THSD7B: variants seen among roughly 807,000 people sequenced by gnomAD.
THSD7B encodes thrombospondin type-1 domain-containing protein 7B.
THSD7B carries 138 observed loss-of-function variants against 213.6 expected under a neutral mutation model. That is an observed-to-expected ratio of 0.65 (90% confidence interval 0.56 to 0.74). The LOEUF is 0.74. Among genes scored for constraint, THSD7B ranks in the 30% least tolerant of loss-of-function variants. THSD7B has a pLI of 0.00. For missense variants in THSD7B, 1,931 were observed against 1,991.5 expected, an observed-to-expected ratio of 0.97 and a Z score of 0.58; for synonymous variants, 742 against 687.0, an observed-to-expected ratio of 1.08 and a Z score of -1.25.
chr2:137,567,230 G>A (rs575871751), intron 16 of THSD7B, among the ~76,000 whole-genome samples: 51 of 151,350 alleles, frequency 3.4e-4, no homozygotes, highest in African/African-American at 6.1e-4. Flanking sequence ...GTGCAATGGC[G>A]CAATCCCAGC....
chr2:137,251,869 T>A (rs1007529356), intron 10 of THSD7B, among the ~76,000 whole-genome samples: 2 of 152,212 alleles, frequency 1.3e-5, no homozygotes, highest in African/African-American at 4.8e-5. Context: ...GATGTAACCA[T>A]AGACCAACAG....
intron 15 of THSD7B, among the ~76,000 whole-genome samples, chr2:137,549,403 ACTCAC>A (rs1680802927): frequency 1.4e-5 from 2 of 141,088 alleles, no homozygotes; most frequent in African/African-American, 5.4e-5. Context: ...GCGCAGACTC[ACTCAC>A]TCAATCTATC....
At chr2:137,175,360 A>C (rs923105077) in intron 7 of THSD7B, among the ~76,000 whole-genome samples, 5 of 152,242 alleles carry the variant, frequency 3.3e-5, no homozygotes, top group African/African-American at 1.2e-4. Context: ...GCAAATGCCC[A>C]CACTACTGAA....
chr2:136,884,530 C>T (rs1024879460), intron 2 of THSD7B, among the ~76,000 whole-genome samples: 26 of 152,144 alleles, frequency 1.7e-4, no homozygotes, highest in Non-Finnish European at 3.1e-4. Context: ...GCAGGGGAGC[C>T]CATGGATATA....
intron 15 of THSD7B, among the ~76,000 whole-genome samples, chr2:137,453,274 A>G (rs1008004458): frequency 1.9e-4 from 29 of 151,456 alleles, no homozygotes; most frequent in African/African-American, 6.8e-4. Context: ...GCTAGTTAAC[A>G]TATCAATTAC....
chr2:137,261,618 T>C (rs1424101606), intron 10 of THSD7B, among the ~76,000 whole-genome samples: 4 of 152,126 alleles, frequency 2.6e-5, no homozygotes, highest in African/African-American at 9.7e-5. Flanking sequence ...AGTGACCATG[T>C]TGACACTGCA....
intron 4 of THSD7B, among the ~76,000 whole-genome samples, chr2:137,099,767 G>C (rs1688114966): frequency 6.6e-6 from 1 of 152,142 alleles, no homozygotes; most frequent in African/African-American, 2.4e-5. Flanking sequence ...AAAATCTCAA[G>C]GCAGAAGCTG....
intron 14 of THSD7B, among the ~76,000 whole-genome samples, chr2:137,432,306 G>A (rs1358744008): frequency 6.6e-6 from 1 of 152,186 alleles, no homozygotes; most frequent in African/African-American, 2.4e-5. Flanking sequence ...CAGGGGAATC[G>A]CTTGAATTTG....
At chr2:137,538,698 G>T (rs993164910) in intron 15 of THSD7B, among the ~76,000 whole-genome samples, 7 of 151,618 alleles carry the variant, frequency 4.6e-5, no homozygotes, top group African/African-American at 1.5e-4. Flanking sequence ...TCAGTAAAAG[G>T]ACTATTTCAG....
At chr2:137,314,885 C>G (rs1314109289) in intron 12 of THSD7B, among the ~76,000 whole-genome samples, 1 of 152,210 alleles carries the variant, frequency 6.6e-6, no homozygotes, top group African/African-American at 2.4e-5. Context: ...CAGCTGCGTG[C>G]TGGGAGAACC....
At chr2:137,101,147 C>T (rs1688142437) in intron 4 of THSD7B, among the ~76,000 whole-genome samples, 1 of 152,118 alleles carries the variant, frequency 6.6e-6, no homozygotes, top group Non-Finnish European at 1.5e-5. Context: ...AGGTGATTCT[C>T]CCACCTCAGC....
intron 7 of THSD7B, among the ~76,000 whole-genome samples, chr2:137,193,786 A>G (rs1431898389): frequency 1.3e-5 from 2 of 151,884 alleles, no homozygotes; most frequent in African/African-American, 4.8e-5. Flanking sequence ...TACGGGATGC[A>G]TACAAAACTT....
chr2:137,501,313 A>G (rs572068651), intron 15 of THSD7B, among the ~76,000 whole-genome samples: 10 of 152,292 alleles, frequency 6.6e-5, no homozygotes, highest in East Asian at 5.8e-4. Flanking sequence ...AGAATATGGT[A>G]TATTTCTTTT....
intron 12 of THSD7B, among the ~76,000 whole-genome samples, chr2:137,303,591 A>T (rs1270898798): frequency 1.3e-5 from 2 of 149,174 alleles, no homozygotes; most frequent in Non-Finnish European, 3.0e-5. Flanking sequence ...TAATTGCATG[A>T]TTCTTTTTTT....
intron 12 of THSD7B, among the ~76,000 whole-genome samples, chr2:137,404,818 G>A (rs557222987): frequency 1.3e-4 from 20 of 151,854 alleles, no homozygotes; most frequent in Non-Finnish European, 2.2e-4. Flanking sequence ...GGATGCAAAG[G>A]CATAAGAATG....
intron 15 of THSD7B, among the ~76,000 whole-genome samples, chr2:137,458,418 A>G (rs978973525): frequency 3.3e-5 from 5 of 152,138 alleles, no homozygotes; most frequent in Non-Finnish European, 7.4e-5. Context: ...CTTTGTCTTC[A>G]GGATAGTACT....
intron 1 of THSD7B, among the ~76,000 whole-genome samples, chr2:136,874,523 T>G (rs1683493308): frequency 6.6e-6 from 1 of 152,236 alleles, no homozygotes. Context: ...TCCCACTCAT[T>G]GCTGTTTCTT....
chr2:137,552,810 T>C (rs373103810), intron 15 of THSD7B, among the ~76,000 whole-genome samples: 1 of 152,264 alleles, frequency 6.6e-6, no homozygotes, highest in East Asian at 1.9e-4. Flanking sequence ...TAGTTGCTGA[T>C]TGAATAAGAA....
At chr2:137,160,521 C>G (rs1051481224) in intron 6 of THSD7B, among the ~76,000 whole-genome samples, 153 bp downstream of exon 6, 21 of 152,200 alleles carry the variant, frequency 1.4e-4, no homozygotes, top group Non-Finnish European at 2.8e-4. Context: ...TTTAGGGAGG[C>G]AACTGGGACA....
Sources: gnomAD v4.1 joint callset for allele counts (sites outside exome capture counted in the v4.1 genomes callset) on GRCh38, gnomAD v4.1.1 for gene constraint, MANE v1.5 for transcripts, NCBI Gene and HGNC (gene_info 2026-07-23, HGNC 2026-07-21) for gene names.